MYO9A: variants seen among roughly 807,000 people sequenced by gnomAD.
The protein encoded by MYO9A is myosin IXA.
A neutral mutation model predicts 293.3 loss-of-function variants in MYO9A; 103 were observed. That is an observed-to-expected ratio of 0.35 (90% CI 0.30 to 0.41). MYO9A has a LOEUF of 0.41. Among genes scored for constraint, MYO9A ranks in the 10% least tolerant of loss-of-function variants. The pLI is 1.00. For synonymous variants in MYO9A, 1,001 were observed against 1,035.7 expected, an observed-to-expected ratio of 0.97 and a Z score of 0.64; for missense variants, 2,685 against 3,033.0, an observed-to-expected ratio of 0.89 and a Z score of 2.69.
chr15:71,891,290 C>G (rs573497586), intron 26 of MYO9A: 1 of 152,346 alleles, frequency 6.6e-6, no homozygotes, highest in Admixed American at 6.5e-5. Flanking sequence ...GGCTAGAACA[C>G]TGAAAGGAGC....
At position 71,951,688 on chromosome 15, in the gene MYO9A, A is replaced by C. The variant is rs1199337875; in HGVS notation, c.2302+89T>G. 2.4e-5 allele frequency: 37 copies of C among 1,519,662 alleles called. No homozygotes were observed. In the Admixed American group the frequency reaches 6.5e-4, roughly 27 times the overall value. 94.1% of individuals were successfully genotyped at this position (1,519,662 alleles called of 1,614,324 possible). A position where few individuals can be genotyped will look rare whatever the true frequency, so the allele number is the denominator to read the frequency against. On this transcript the variant is annotated intron_variant, in intron 15 of 41. Coordinates refer to ENST00000356056, the MANE Select transcript of MYO9A (RefSeq NM_006901.4). Reference sequence around the variant, plus strand: ...TTTATGGAGGCCATGTTGCCCATACAATCTATATCCCACCCTGGTGTAGGA... The same window carrying C: ...TTTATGGAGGCCATGTTGCCCATACCATCTATATCCCACCCTGGTGTAGGA...
intron 8 of MYO9A, among the ~76,000 whole-genome samples, chr15:72,007,260 C>G (rs927372211): frequency 2.0e-5 from 3 of 151,732 alleles, no homozygotes; most frequent in Non-Finnish European, 4.4e-5. Context: ...AAGGGGTAGG[C>G]AAGAGAGAAA....
intron 32 of MYO9A, among the ~76,000 whole-genome samples, chr15:71,865,040 G>A (rs888261246): frequency 2.6e-5 from 4 of 152,104 alleles, no homozygotes; most frequent in African/African-American, 9.7e-5. Flanking sequence ...TTTTACAGTG[G>A]TACATGTTGA....
At chr15:72,082,387 G>C (rs1383110276) in intron 1 of MYO9A, among the ~76,000 whole-genome samples, 1 of 152,142 alleles carries the variant, frequency 6.6e-6, no homozygotes, top group East Asian at 1.9e-4. Flanking sequence ...TATATCCCGA[G>C]ACTTTGCTGA....
Position 71,949,223 on chromosome 15 carries a change from G to A in MYO9A, c.2302+2554C>T, listed in dbSNP as rs1018459403. Among the ~76,000 whole-genome samples, 5 of 151,952 alleles carry A rather than the reference G, an allele frequency of 3.3e-5. No individual in the cohort carries two copies. In the East Asian group the frequency reaches 9.6e-4, roughly 29 times the overall value. ...AAGCTAGTGTTTGTTTGTTTGTTTT[G>A]AGACAGTCTTGCTCTGTTGCCTAGG... is the stretch of plus-strand genomic sequence containing the variant. On this transcript the variant is annotated intron_variant, in intron 15 of 41. Transcript: ENST00000356056.
Position 71,930,798 on chromosome 15 carries a change from G to A in MYO9A, c.2562+2872C>T, listed in dbSNP as rs1021003454. Among the ~76,000 whole-genome samples, 12 of 152,102 alleles carry A rather than the reference G, an allele frequency of 7.9e-5. No individual in the cohort carries two copies. In the East Asian group the frequency reaches 2.1e-3, roughly 27 times the overall value. On this transcript the variant is annotated intron_variant, in intron 18 of 41. Transcript: ENST00000356056. ...CCAATAATTCTGTCTTCCCTTTGTGGTTTGATGGTTTTCTATAGCAGTATG... is the reference window on the plus strand; with the variant it reads ...CCAATAATTCTGTCTTCCCTTTGTGATTTGATGGTTTTCTATAGCAGTATG...
intron 19 of MYO9A, among the ~76,000 whole-genome samples, chr15:71,913,799 C>A (rs183206656): frequency 5.3e-5 from 8 of 152,258 alleles, no homozygotes; most frequent in African/African-American, 1.9e-4. Flanking sequence ...AGAGCAGGGC[C>A]AGAGCAGCCT....
At position 71,854,584 on chromosome 15, in the gene MYO9A, AT is replaced by A; in HGVS notation, c.6154-16del. The A allele has an allele frequency of 6.4e-7, 1 of 1,551,114 alleles. No homozygotes were observed. Among genetic ancestry groups the A allele is most frequent in the Non-Finnish European group, 8.7e-7 (1 of 1,151,714 alleles). Reference sequence around the variant, plus strand: ...TCTGGATCATACTAAATGAAAGATAATTTTTAGTTTCCAAATGCATTCAAAC... The same window carrying A: ...TCTGGATCATACTAAATGAAAGATAATTTTAGTTTCCAAATGCATTCAAAC... On this transcript the variant is annotated splice_polypyrimidine_tract_variant and intron_variant, in intron 34 of 41. Transcript: ENST00000356056.
chr15:72,111,445 C>T (rs537635178), intron 1 of MYO9A, among the ~76,000 whole-genome samples: 11 of 150,084 alleles, frequency 7.3e-5, no homozygotes, highest in Admixed American at 2.7e-4. Flanking sequence ...GCCGAGATTG[C>T]GCCACTGCAC....
Position 71,826,669 on chromosome 15 carries a change from C to A in MYO9A, c.7558G>T (p.Val2520Phe), listed in dbSNP as rs368011236. 1.2e-6 allele frequency: 2 copies of A among 1,613,926 alleles called. No homozygotes were observed. Among genetic ancestry groups the A allele is most frequent in the African/African-American group, 2.7e-5 (2 of 74,884 alleles). The change falls in exon 42 of 42, where the codon GTC (valine) becomes TTC (phenylalanine). Residue 2520 changes from valine (V) to phenylalanine (F), a missense_variant. Physicochemically the swap from Val to Phe is conservative, Grantham distance 50. Transcript: ENST00000356056. The stretch of plus-strand genomic sequence containing the variant: ...ACAGTTTTTCTGCGGCCAGACATGA[C>A]TGTCCCCTCTGGGGTCTCTTTGGTT... ...QKTKETPEGT[V>F]MSGRRKTVDP...
At chr15:71,946,615 C>T (rs898102302) in intron 15 of MYO9A, among the ~76,000 whole-genome samples, 3 of 152,220 alleles carry the variant, frequency 2.0e-5, no homozygotes, top group African/African-American at 7.2e-5. Flanking sequence ...ACAGTAGCCA[C>T]TAGCTATATG....
At chr15:72,115,085 C>T (rs1165553932) in intron 1 of MYO9A, among the ~76,000 whole-genome samples, 2 of 152,166 alleles carry the variant, frequency 1.3e-5, no homozygotes, top group Non-Finnish European at 2.9e-5. Flanking sequence ...GGGAAAACAA[C>T]TGTTAAAAAT....
intron 4 of MYO9A, among the ~76,000 whole-genome samples, chr15:72,025,848 T>C (rs1447887125): frequency 1.3e-5 from 2 of 152,162 alleles, no homozygotes; most frequent in East Asian, 1.9e-4. Context: ...AAGGAGGATA[T>C]ATTCATATAT....
At chr15:71,969,361 A>C (rs1374946328) in intron 12 of MYO9A, among the ~76,000 whole-genome samples, 1 of 152,242 alleles carries the variant, frequency 6.6e-6, no homozygotes, top group East Asian at 1.9e-4. Context: ...TTTCAAACAG[A>C]GACAACAGCA....
At chr15:71,963,175 C>G (rs2075786721) in intron 13 of MYO9A, among the ~76,000 whole-genome samples, 1 of 152,096 alleles carries the variant, frequency 6.6e-6, no homozygotes, top group East Asian at 1.9e-4. Flanking sequence ...CCTCTGCCTC[C>G]CGGGCTCAAG....
chr15:71,947,600 A>C (rs758712236), intron 15 of MYO9A, among the ~76,000 whole-genome samples: 50 of 152,100 alleles, frequency 3.3e-4, no homozygotes, highest in Non-Finnish European at 5.9e-4. Flanking sequence ...TATATCTGTT[A>C]ATTGATTTGC....
At position 71,968,026 on chromosome 15, in the gene MYO9A, G is replaced by T. The variant is rs767564994; in HGVS notation, c.1944C>A (p.Phe648Leu). ...IEFPAVMEPA[F>L]IIKHYAGKVK... is the part of the protein sequence containing the mutation. ...CTTTTCCAGCATAATGTTTTATAATGAAAGCAGGCTCCATCACGGCTGGAA... is the reference window on the plus strand; with the variant it reads ...CTTTTCCAGCATAATGTTTTATAATTAAAGCAGGCTCCATCACGGCTGGAA... Residue 648 changes from phenylalanine to leucine, a missense_variant, in exon 13 of 42, where the codon TTC becomes TTA. Physicochemically the swap from Phe to Leu is conservative, Grantham distance 22 (BLOSUM62 0). Transcript: ENST00000356056. 11 of 1,611,508 alleles carry T rather than the reference G, an allele frequency of 6.8e-6. No individual in the cohort carries two copies. The South Asian group carries it at 1.2e-4, about 18-fold the overall frequency.
chr15:71,883,658 G>A lies in MYO9A; in HGVS notation c.5334C>T (p.Thr1778=). The change falls in exon 28 of 42, where the codon ACC becomes ACT. Residue 1778 remains threonine (T), a synonymous_variant. Coordinates refer to ENST00000356056, the MANE Select transcript of MYO9A (RefSeq NM_006901.4). The stretch of plus-strand genomic sequence containing the variant: ...CAAAGAGTGGCGAAACCTCTGACTG[G>A]GTAGTAGGTTTCACTCTGGTAGTCT... ...EKKTTRVKPT[T]QSEVSPLFAG... is the part of the protein sequence containing the mutation. 2.5e-6 allele frequency: 4 copies of A among 1,613,344 alleles called. No homozygotes were observed. The highest frequency in any genetic ancestry group is 3.4e-6 in the Non-Finnish European group (4 of 1,179,546).
chr15:71,875,745 G>A, intron 32 of MYO9A, 46 bp downstream of exon 32: 2 of 1,063,918 alleles, frequency 1.9e-6, no homozygotes, highest in South Asian at 5.8e-5. Context: ...TCAGACAACT[G>A]ATCTGAAAAT....
Sources: gnomAD v4.1 joint callset for allele counts (sites outside exome capture counted in the v4.1 genomes callset) on GRCh38, gnomAD v4.1.1 for gene constraint, MANE v1.5 for transcripts, NCBI Gene and HGNC (gene_info 2026-07-23, HGNC 2026-07-21) for gene names.